The following MRPL45 variants were observed in gnomAD, a reference collection of about 807,000 sequenced individuals.
MRPL45 encodes mitochondrial ribosomal protein L45, also known as large ribosomal subunit protein mL45.
Under a neutral mutation model 38.1 loss-of-function variants are expected in MRPL45, and 20 were observed. The ratio of observed to expected loss-of-function variants is 0.53; its 90% CI spans 0.37 to 0.76. The LOEUF is 0.76. MRPL45 is among the 30% of genes least tolerant of loss of function. The pLI is 0.00. For missense variants in MRPL45, 337 were observed against 395.6 expected (o/e 0.85, Z 1.26); for synonymous variants, 105 against 128.8 (o/e 0.82, Z 1.25).
chr17:38,306,278 G>A (rs145384096), intron 3 of MRPL45, among the ~76,000 whole-genome samples: 1,956 of 151,988 alleles, frequency 0.013, 36 homozygotes, highest in African/African-American at 0.044. Context: ...GTGTGGTCGC[G>A]GGCGCCTGTA....
At chr17:38,313,344 ATACGTATATATATATATATATACG>A (rs2037141124) in intron 4 of MRPL45, among the ~76,000 whole-genome samples, 1 of 19,478 alleles carries the variant, frequency 5.1e-5, no homozygotes, top group African/African-American at 2.2e-4. Context: ...ATATATATAT[ATACGTATATATATATATATATACG>A]TATATATATA....
At chr17:38,315,048 C>T (rs552815234) in intron 4 of MRPL45, among the ~76,000 whole-genome samples, 1 of 152,176 alleles carries the variant, frequency 6.6e-6, no homozygotes, top group South Asian at 2.1e-4. Flanking sequence ...TTGTTTTATG[C>T]ATTTGCCTTT....
At chr17:38,303,625 C>G (rs1597646135) in intron 3 of MRPL45, among the ~76,000 whole-genome samples, 1 of 152,000 alleles carries the variant, frequency 6.6e-6, no homozygotes, top group Non-Finnish European at 1.5e-5. Context: ...TCATCTTTTT[C>G]AAGAAATCCC....
At chr17:38,300,393 G>A (rs1183147410) in intron 3 of MRPL45, among the ~76,000 whole-genome samples, 1 of 151,950 alleles carries the variant, frequency 6.6e-6, no homozygotes, top group African/African-American at 2.4e-5. Context: ...CGAACTCCTG[G>A]GCTCAAGCAG....
At chr17:38,305,582 G>A (rs976924961) in intron 3 of MRPL45, among the ~76,000 whole-genome samples, 11 of 148,662 alleles carry the variant, frequency 7.4e-5, no homozygotes, top group African/African-American at 2.0e-4. Flanking sequence ...TGCCTCCTAA[G>A]TTCAAGTATT....
intron 4 of MRPL45, among the ~76,000 whole-genome samples, chr17:38,315,124 TTATC>T (rs1384245093): frequency 2.0e-5 from 3 of 152,266 alleles, no homozygotes; most frequent in African/African-American, 7.2e-5. Flanking sequence ...GCTTTTATAT[TTATC>T]TATGTAGTTA....
chr17:38,304,617 T>C (rs1345642885), intron 3 of MRPL45, among the ~76,000 whole-genome samples: 1 of 152,170 alleles, frequency 6.6e-6, no homozygotes, highest in Non-Finnish European at 1.5e-5. Flanking sequence ...GATCTTGACT[T>C]ACTACAACCT....
chr17:38,306,685 T>C (rs1259974234), intron 4 of MRPL45, 54 bp downstream of exon 4: 1 of 1,601,218 alleles, frequency 6.2e-7, no homozygotes, highest in African/African-American at 1.4e-5. Context: ...AGCTATTATT[T>C]TAGGCACAGT....
At chr17:38,314,952 C>T (rs1462752142) in intron 4 of MRPL45, among the ~76,000 whole-genome samples, 1 of 152,186 alleles carries the variant, frequency 6.6e-6, no homozygotes, top group Non-Finnish European at 1.5e-5. Flanking sequence ...TATGTCTCTC[C>T]CTCCCACTTC....
At chr17:38,311,470 G>A (rs1446463217) in intron 4 of MRPL45, among the ~76,000 whole-genome samples, 7 of 152,082 alleles carry the variant, frequency 4.6e-5, no homozygotes, top group South Asian at 2.1e-4. Flanking sequence ...GGCAGATCAC[G>A]AGGTCAAGAG....
intron 3 of MRPL45, among the ~76,000 whole-genome samples, chr17:38,305,162 A>G (rs2037039191): frequency 7.0e-6 from 1 of 142,064 alleles, no homozygotes; most frequent in African/African-American, 2.5e-5. Flanking sequence ...GTAACTTCTA[A>G]TGTTGCTGTT....
rs377340141 is a variant in MRPL45 at position 38,298,902 on chromosome 17, G to A, written c.244+276G>A. 9.2e-5 allele frequency among the ~76,000 whole-genome samples: 14 copies of A among 152,070 alleles called. No individual in the cohort carries two copies. The East Asian group carries it at 2.7e-3, about 29-fold the overall frequency. On this transcript the variant is annotated intron_variant, in intron 2 of 7. Coordinates refer to ENST00000613675, the MANE Select transcript of MRPL45 (RefSeq NM_032351.6). Reference sequence around the variant, plus strand: ...AAATCTTTCTGGCTTTTTTTGTTTTGTTTTGTTTTGTTTTTTGAGACAGAG... The same window carrying A: ...AAATCTTTCTGGCTTTTTTTGTTTTATTTTGTTTTGTTTTTTGAGACAGAG...
chr17:38,317,016 T>C (rs1052737271), intron 4 of MRPL45, among the ~76,000 whole-genome samples: 1 of 152,118 alleles, frequency 6.6e-6, no homozygotes, highest in African/African-American at 2.4e-5. Flanking sequence ...CAGGATGGTC[T>C]TGATCTCCTG....
chr17:38,306,680 T>A (rs767528839), intron 4 of MRPL45, 49 bp downstream of exon 4: 2 of 1,601,984 alleles, frequency 1.2e-6, no homozygotes, highest in South Asian at 2.3e-5. Context: ...CAGTTAGCTA[T>A]TATTTTAGGC....
intron 3 of MRPL45, among the ~76,000 whole-genome samples, chr17:38,305,666 G>A (rs1036916515): frequency 7.6e-6 from 1 of 132,122 alleles, no homozygotes; most frequent in African/African-American, 2.9e-5. Flanking sequence ...TTTTTGAGAT[G>A]GAGTCTCGCT....
In MRPL45 at chr17:38,313,333, C is replaced by T. The variant is rs1555562004; in HGVS notation, c.462-5354C>T. Among the ~76,000 whole-genome samples, 118 of 17,164 alleles carry T rather than the reference C, an allele frequency of 6.9e-3. 6 individuals are homozygous for T. Among genetic ancestry groups the T allele is most frequent in the Middle Eastern group, 0.045 (1 of 22 alleles). 11.3% of individuals were successfully genotyped at this position (17,164 alleles called of 152,430 possible). On this transcript the variant is annotated intron_variant, in intron 4 of 7. Coordinates refer to ENST00000613675, the MANE Select transcript of MRPL45 (RefSeq NM_032351.6). ...AAAAATATATATATATATATATATA[C>T]ATATATATATATACGTATATATATA...
chr17:38,319,557 T>C (rs558676125), intron 5 of MRPL45, among the ~76,000 whole-genome samples: 17 of 152,070 alleles, frequency 1.1e-4, no homozygotes, highest in Non-Finnish European at 1.9e-4. Context: ...TGAATGACAA[T>C]GTCTTGACAC....
chr17:38,303,640 G>A (rs2037022358), intron 3 of MRPL45, among the ~76,000 whole-genome samples: 1 of 151,752 alleles, frequency 6.6e-6, no homozygotes, highest in Non-Finnish European at 1.5e-5. Flanking sequence ...AATCCCTCCT[G>A]GAGTCTTCTT....
intron 5 of MRPL45, among the ~76,000 whole-genome samples, chr17:38,320,225 G>A (rs2144240080): frequency 6.6e-6 from 1 of 152,268 alleles, no homozygotes; most frequent in Non-Finnish European, 1.5e-5. Context: ...ACTTTTCATT[G>A]TTAATATGTG....
Sources: gnomAD v4.1 joint callset for allele counts (sites outside exome capture counted in the v4.1 genomes callset) on GRCh38, gnomAD v4.1.1 for gene constraint, MANE v1.5 for transcripts, NCBI Gene and HGNC (gene_info 2026-07-23, HGNC 2026-07-21) for gene names.